ADGRG5: variants seen among roughly 807,000 people sequenced by gnomAD.
The protein encoded by ADGRG5 is adhesion G protein-coupled receptor G5.
In ADGRG5, 37 loss-of-function variants were observed where a neutral mutation model predicts 53.2. The ratio of observed to expected loss-of-function variants is 0.70; its 90% CI spans 0.53 to 0.91. The LOEUF (loss-of-function observed/expected upper bound fraction) is 0.91. Among genes scored for constraint, ADGRG5 ranks in the 40% least tolerant of loss-of-function variants. The probability of loss-of-function intolerance (pLI) is 0.00; values close to 1 mark genes in which losing one functional copy is unlikely to be tolerated. For missense variants in ADGRG5, 614 were observed against 675.8 expected, an observed-to-expected ratio of 0.91 and a Z score of 1.01; for synonymous variants, 277 against 290.4, an observed-to-expected ratio of 0.95 and a Z score of 0.47.
At chr16:57,565,356 A>C in intron 6 of ADGRG5, 1 of 584,052 alleles carries the variant, frequency 1.7e-6, no homozygotes, top group Non-Finnish European at 3.0e-6. Context: ...AGAAAAGACC[A>C]CTTCAAGCCA....
intron 1 of ADGRG5, among the ~76,000 whole-genome samples, chr16:57,548,146 G>A (rs185480153): frequency 6.0e-5 from 9 of 151,124 alleles, no homozygotes; most frequent in Admixed American, 5.9e-4. Flanking sequence ...AGGATTACAG[G>A]TGCAAACCAT....
intron 1 of ADGRG5, among the ~76,000 whole-genome samples, chr16:57,544,411 C>T (rs770400428): frequency 2.0e-5 from 3 of 152,078 alleles, no homozygotes; most frequent in Non-Finnish European, 4.4e-5. Flanking sequence ...AGGTTGCAAG[C>T]AGAAGTGAAG....
Position 57,570,431 on chromosome 16 carries a change from C to T in ADGRG5, c.1104C>T (p.Leu368=), listed in dbSNP as rs149134796. The change falls in exon 10 of 12, where the codon CTC becomes CTT. Residue 368 remains leucine (L), a synonymous_variant. Transcript: ENST00000349457. ...LGVLGWGAPA[L]LVLLSLSVKS... is the part of the protein sequence containing the mutation. ...CCCACCCCTCAGGGGCCCCAGCCCTCCTGGTGCTGCTTTCCCTCTCTGTCA... is the reference window on the plus strand; with the variant it reads ...CCCACCCCTCAGGGGCCCCAGCCCTTCTGGTGCTGCTTTCCCTCTCTGTCA... 7.9e-4 allele frequency: 1,269 copies of T among 1,612,626 alleles called. 2 individuals are homozygous for T. Among genetic ancestry groups the T allele is most frequent in the Non-Finnish European group, 1.0e-3 (1,191 of 1,179,846 alleles).
chr16:57,568,157 C>T (rs749004944), intron 9 of ADGRG5, 33 bp downstream of exon 9: 1 of 1,608,162 alleles, frequency 6.2e-7, no homozygotes, highest in East Asian at 2.2e-5. Context: ...CCTCCTCAGA[C>T]TTCCAGGTGG....
intron 11 of ADGRG5, 94 bp from the exon 12 acceptor site, chr16:57,575,344 G>T (rs1567628050): frequency 1.7e-6 from 2 of 1,203,184 alleles, no homozygotes; most frequent in Non-Finnish European, 2.4e-6. Flanking sequence ...AGTTGCCCAT[G>T]GGCCCCAGGG....
chr16:57,529,294 G>A, the ADGRG5 span: 1 of 1,118,526 alleles, frequency 8.9e-7, no homozygotes, highest in Non-Finnish European at 1.1e-6. This position sits in a 1 kb window ranked among gnomAD's most constrained non-coding sequence, Gnocchi z 4.1. Context: ...GCTTCCCTCT[G>A]GGCCACCGGG....
chr16:57,574,566 A>T lies in ADGRG5; in HGVS notation c.1209-249A>T, dbSNP rs1374575488. ...TTTTCAGGGGGGTGAAGACATGGGG[A>T]CGTGAGAGAAACCACTGTGGCTGGA... On this transcript the variant is annotated intron_variant, in intron 10 of 11. Coordinates refer to ENST00000349457, the MANE Select transcript of ADGRG5 (RefSeq NM_001304376.3). The surrounding 1 kb of genome is among the most constrained non-coding windows in gnomAD (Gnocchi z 4.4). Among the ~76,000 whole-genome samples the T allele has an allele frequency of 6.6e-6, 1 of 152,174 alleles. No homozygotes were observed. The highest frequency in any genetic ancestry group is 2.4e-5 in the African/African-American group (1 of 41,444).
upstream of ADGRG5, among the ~76,000 whole-genome samples, chr16:57,540,277 C>T (rs575261767): frequency 6.6e-6 from 1 of 152,208 alleles, no homozygotes; most frequent in Non-Finnish European, 1.5e-5. Context: ...ACAAAAGAAA[C>T]AGTTTAGCTC....
Position 57,575,840 on chromosome 16 carries a change from A to G in ADGRG5, c.*302A>G, listed in dbSNP as rs1192530572. 1.3e-5 allele frequency: 5 copies of G among 379,696 alleles called. No individual in the cohort carries two copies. Among genetic ancestry groups the G allele is most frequent in the African/African-American group, 2.0e-5 (1 of 49,270 alleles). 23.5% of individuals were successfully genotyped at this position (379,696 alleles called of 1,614,324 possible). On this transcript the variant is annotated 3_prime_UTR_variant, in exon 12 of 12. Coordinates refer to ENST00000349457, the MANE Select transcript of ADGRG5 (RefSeq NM_001304376.3). ...CACCAGCCTGGGCATCAGGAAGCCA[A>G]GTTTCAAGGACTGTCTTTGAGTCTG...
intron 1 of ADGRG5, among the ~76,000 whole-genome samples, chr16:57,545,630 C>T (rs1411635617): frequency 5.3e-5 from 8 of 152,202 alleles, no homozygotes; most frequent in African/African-American, 1.7e-4. Context: ...CTTGAAAATA[C>T]GTCTTGGAGA....
intron 9 of ADGRG5, among the ~76,000 whole-genome samples, chr16:57,570,118 A>T (rs753223577): frequency 6.6e-6 from 1 of 151,940 alleles, no homozygotes; most frequent in Non-Finnish European, 1.5e-5. Flanking sequence ...TTTCTTGCTT[A>T]TTTCTATTTC....
In ADGRG5 at chr16:57,576,786, A is replaced by C. The variant is rs2033528838; in HGVS notation, c.*1248A>C. 1 of 152,220 alleles carries C rather than the reference A, an allele frequency of 6.6e-6. No homozygotes were observed. The highest frequency in any genetic ancestry group is 1.5e-5 in the Non-Finnish European group (1 of 68,046). The allele number at this position is 152,220 out of a possible 1,614,324, so 9.4% of individuals were successfully genotyped here. On this transcript the variant is annotated 3_prime_UTR_variant, in exon 12 of 12. Transcript: ENST00000349457. ...CTTTCGCTCTTGGGGGCTGCACCCC[A>C]GACATAGCTGGCACCAGAGCAGGGT...
At chr16:57,570,381 T>C (rs2033315985) in intron 9 of ADGRG5, 37 bp from the exon 10 acceptor site, 3 of 1,421,970 alleles carry the variant, frequency 2.1e-6, no homozygotes, top group African/African-American at 1.4e-5. Context: ...GGGTCAGCCC[T>C]CTCCCACATC....
intron 7 of ADGRG5, 42 bp from the exon 8 acceptor site, chr16:57,567,428 G>T (rs763815749): frequency 1.3e-6 from 2 of 1,597,606 alleles, no homozygotes; most frequent in South Asian, 1.1e-5. Flanking sequence ...GAGGAAGGGC[G>T]ATACTATGCT....
chr16:57,529,317 C>A, the ADGRG5 span: 1 of 1,102,186 alleles, frequency 9.1e-7, no homozygotes, highest in Non-Finnish European at 1.1e-6. This position sits in a 1 kb window ranked among gnomAD's most constrained non-coding sequence, Gnocchi z 4.1. Context: ...GAGGACGCCT[C>A]CTCGGACCTA....
chr16:57,563,079 T>C lies in ADGRG5; in HGVS notation c.141-12T>C. 1 of 1,613,990 alleles carries C rather than the reference T, an allele frequency of 6.2e-7. No homozygotes were observed. Among genetic ancestry groups the C allele is most frequent in the Non-Finnish European group, 8.5e-7 (1 of 1,180,010 alleles). On this transcript the variant is annotated splice_polypyrimidine_tract_variant and intron_variant, in intron 3 of 11. Transcript: ENST00000349457. ...GGGCTCTGGCCTCCCTGGCCATCTC[T>C]CTGGGCTGCAGTCAACTCCACCAGC...
In ADGRG5 at chr16:57,565,075, G is replaced by A; in HGVS notation, c.471G>A (p.Gly157=). The change falls in exon 6 of 12, where the codon GGG becomes GGA. Residue 157 remains glycine (G), a synonymous_variant. Coordinates refer to ENST00000349457, the MANE Select transcript of ADGRG5 (RefSeq NM_001304376.3). ...NSSLLNNYVL[G]AQLSHGHVNN... is the part of the protein sequence containing the mutation. ...CTCTGCTGAATAACTACGTCCTGGG[G>A]GCCCAGCTGAGTCATGGGCACGTGA... is the stretch of plus-strand genomic sequence containing the variant. 2 of 1,613,808 alleles carry A rather than the reference G, an allele frequency of 1.2e-6. No homozygotes were observed. The highest frequency in any genetic ancestry group is 1.1e-5 in the South Asian group (1 of 91,076).
intron 9 of ADGRG5, 78 bp from the exon 10 acceptor site, chr16:57,570,340 C>T (rs2033314137): frequency 5.9e-6 from 5 of 845,160 alleles, no homozygotes; most frequent in Non-Finnish European, 9.8e-6. Flanking sequence ...AATTCTGTGT[C>T]AGCAGCCCCA....
At position 57,567,484 on chromosome 16, in the gene ADGRG5, C is replaced by G; in HGVS notation, c.714C>G (p.Ala238=). 1 of 1,609,610 alleles carries G rather than the reference C, an allele frequency of 6.2e-7. No individual in the cohort carries two copies. The highest frequency in any genetic ancestry group is 8.5e-7 in the Non-Finnish European group (1 of 1,179,918). ...YFAVLMQLSP[A]LVPAELLAPL... is the part of the protein sequence containing the mutation. Reference sequence around the variant, plus strand: ...CCCTCCTGCAGCAACTCTCCCCAGCCCTGGTCCCTGCAGAGTTGCTGGCAC... The same window carrying G: ...CCCTCCTGCAGCAACTCTCCCCAGCGCTGGTCCCTGCAGAGTTGCTGGCAC... The change falls in exon 8 of 12, where the codon GCC becomes GCG. Residue 238 remains alanine, a synonymous_variant. Coordinates refer to ENST00000349457, the MANE Select transcript of ADGRG5 (RefSeq NM_001304376.3).
Sources: gnomAD v4.1 joint callset for allele counts (sites outside exome capture counted in the v4.1 genomes callset) on GRCh38, gnomAD v4.1.1 for gene constraint, Gnocchi (gnomAD v3.1) non-coding constraint, MANE v1.5 for transcripts, NCBI Gene and HGNC (gene_info 2026-07-23, HGNC 2026-07-21) for gene names.